Variants in LRP4 observed in about 807,000 individuals in gnomAD.
LRP4 encodes LDL receptor related protein 4, also known as low-density lipoprotein receptor-related protein 4.
LRP4 carries 95 observed loss-of-function variants against 220.3 expected under a neutral mutation model. The ratio of observed to expected loss-of-function variants is 0.43; its 90% CI spans 0.37 to 0.51. The LOEUF (loss-of-function observed/expected upper bound fraction) is 0.51. LRP4 is among the 20% of genes least tolerant of loss of function. The pLI is 0.00. For missense variants in LRP4, 1,925 were observed against 2,567.0 expected (o/e 0.75, Z 5.40); for synonymous variants, 903 against 954.6 (o/e 0.95, Z 1.00).
intron 1 of LRP4, among the ~76,000 whole-genome samples, chr11:46,911,526 C>A (rs573706953): frequency 1.0e-3 from 154 of 149,446 alleles, no homozygotes; most frequent in African/African-American, 3.5e-3. Context: ...GAGTTCGAGG[C>A]TACAGTGAGC....
intron 13 of LRP4, among the ~76,000 whole-genome samples, chr11:46,891,994 A>C (rs1367615743): frequency 6.6e-6 from 1 of 152,100 alleles, no homozygotes; most frequent in Non-Finnish European, 1.5e-5. Context: ...TCACTGTTGC[A>C]ATCACGGTTC....
In LRP4 at chr11:46,898,246, C is replaced by T. The variant is rs74933738; in HGVS notation, c.796+312G>A. Among the ~76,000 whole-genome samples, 1,274 of 152,348 alleles carry T rather than the reference C, an allele frequency of 8.4e-3. 135 individuals are homozygous for T. The East Asian group carries it at 0.2, about 24-fold the overall frequency. On this transcript the variant is annotated intron_variant, in intron 7 of 37. Transcript: ENST00000378623. Reference sequence around the variant, plus strand: ...ATGTCATCTCACTCTGCTACAGGGACGCCGTCTCGGGTCACTGCAACCTCT... The same window carrying T: ...ATGTCATCTCACTCTGCTACAGGGATGCCGTCTCGGGTCACTGCAACCTCT...
Position 46,876,831 on chromosome 11 carries a change from C to G in LRP4, c.3278-1G>C. ...GTGCTGTCAGACCAGTACACCTTTC[C>G]TGGAGAGGGAAAGCTTGGCTCAACC... On this transcript the variant is annotated splice_acceptor_variant, in intron 23 of 37. Coordinates refer to ENST00000378623, the MANE Select transcript of LRP4 (RefSeq NM_002334.4). LOFTEE classifies it high-confidence loss of function. 1 of 1,613,294 alleles carries G rather than the reference C, an allele frequency of 6.2e-7. No homozygotes were observed. Among genetic ancestry groups the G allele is most frequent in the Non-Finnish European group, 8.5e-7 (1 of 1,179,490 alleles).
At chr11:46,903,035 G>A (rs1941697167) in intron 1 of LRP4, 106 bp from the exon 2 acceptor site, 1 of 1,325,832 alleles carries the variant, frequency 7.5e-7, no homozygotes, top group South Asian at 1.2e-5. Context: ...GTCACCTGGA[G>A]AGTCACAGTG....
At chr11:46,862,107 C>T (rs1319273469) in intron 37 of LRP4, among the ~76,000 whole-genome samples, 1 of 148,140 alleles carries the variant, frequency 6.8e-6, no homozygotes, top group Non-Finnish European at 1.5e-5. Context: ...AGCAGGTAAA[C>T]CTTCAGAATT....
chr11:46,867,115 AT>A (rs1232924726), intron 34 of LRP4, among the ~76,000 whole-genome samples: 1 of 152,140 alleles, frequency 6.6e-6, no homozygotes, highest in Non-Finnish European at 1.5e-5. Context: ...ATCAGGAAGC[AT>A]TTTATAATGA....
rs754573249 is a variant in LRP4 at position 46,874,785 on chromosome 11, C to T, written c.4229+15G>A. 5 of 1,612,124 alleles carry T rather than the reference C, an allele frequency of 3.1e-6. No homozygotes were observed. Among genetic ancestry groups the T allele is most frequent in the Non-Finnish European group, 4.2e-6 (5 of 1,178,256 alleles). ...GCAAATCTGTGTCTTCTGGAGGTTT[C>T]AGTGTTGCTCATACCTGATAACATC... On this transcript the variant is annotated intron_variant, in intron 28 of 37. Transcript: ENST00000378623.
At chr11:46,865,040 G>A in intron 35 of LRP4, 79 bp downstream of exon 35, 1 of 1,227,742 alleles carries the variant, frequency 8.1e-7, no homozygotes, top group East Asian at 2.5e-5. Flanking sequence ...GAGTCCCAAT[G>A]AAGGTTATGA....
At chr11:46,895,347 TC>T in intron 10 of LRP4, 56 bp from the exon 11 acceptor site, 1 of 1,603,044 alleles carries the variant, frequency 6.2e-7, no homozygotes. Flanking sequence ...CCACTCCCGC[TC>T]CCAGGCTGCC....
chr11:46,887,324 A>C, intron 16 of LRP4, among the ~76,000 whole-genome samples: 1 of 152,174 alleles, frequency 6.6e-6, no homozygotes, highest in East Asian at 1.9e-4. Flanking sequence ...GAAATCCTTA[A>C]GGGGAAGCTG....
rs140605896 is a variant in LRP4, at chr11:46,890,525, G to A, written c.1698-31C>T. 1.3e-3 allele frequency: 2,017 copies of A among 1,522,994 alleles called. 23 individuals carry two copies. The African/African-American group carries it at 0.024, about 18-fold the overall frequency. 94.3% of individuals were successfully genotyped at this position (1,522,994 alleles called of 1,614,324 possible). On this transcript the variant is annotated intron_variant, in intron 13 of 37. Coordinates refer to ENST00000378623, the MANE Select transcript of LRP4 (RefSeq NM_002334.4). This position sits in a 1 kb window ranked among gnomAD's most constrained non-coding sequence, Gnocchi z 5.3. ...AAGAGAAAAGTAAATTGGGAAGTGGGCAGCAGAAAACAGGTAGGTAACCAG... is the reference window on the plus strand; with the variant it reads ...AAGAGAAAAGTAAATTGGGAAGTGGACAGCAGAAAACAGGTAGGTAACCAG...
At chr11:46,900,119 T>A in intron 3 of LRP4, 143 bp from the exon 4 acceptor site, 1 of 960,368 alleles carries the variant, frequency 1.0e-6, no homozygotes, top group Non-Finnish European at 1.7e-6. Context: ...CAGCAGCTTA[T>A]CTGACTTCGA....
At chr11:46,887,887 T>C (rs1446078495) in intron 16 of LRP4, among the ~76,000 whole-genome samples, 1 of 151,494 alleles carries the variant, frequency 6.6e-6, no homozygotes, top group Non-Finnish European at 1.5e-5. Context: ...TGACAGTGTA[T>C]GCCTGTAGTC....
chr11:46,911,800 A>G (rs1470937658), intron 1 of LRP4, among the ~76,000 whole-genome samples: 1 of 150,674 alleles, frequency 6.6e-6, no homozygotes, highest in Admixed American at 6.6e-5. Flanking sequence ...ATGACAGGAA[A>G]CTGCTCTGAG....
intron 1 of LRP4, among the ~76,000 whole-genome samples, chr11:46,909,581 C>T (rs935218362): frequency 6.8e-5 from 7 of 102,748 alleles, no homozygotes; most frequent in South Asian, 4.6e-4. Context: ...GTCCGCAGTC[C>T]GGCCTGGGCG....
At chr11:46,876,292 A>AACTT (rs1341218991) in intron 25 of LRP4, among the ~76,000 whole-genome samples, 174 bp downstream of exon 25, 1 of 152,124 alleles carries the variant, frequency 6.6e-6, no homozygotes, top group East Asian at 1.9e-4. Context: ...TCATGCTTTT[A>AACTT]ACTTCTACAC....
Position 46,897,348 on chromosome 11 carries a change from CTTTTT to C in LRP4, c.797-359_797-355del, listed in dbSNP as rs1281410484. Among the ~76,000 whole-genome samples, 29 of 95,702 alleles carry C rather than the reference CTTTTT, an allele frequency of 3.0e-4. No homozygotes were observed. In the South Asian group the frequency reaches 8.1e-3, roughly 27 times the overall value. 62.8% of individuals were successfully genotyped at this position (95,702 alleles called of 152,430 possible). On this transcript the variant is annotated intron_variant, in intron 7 of 37. Transcript: ENST00000378623. Reference sequence around the variant, plus strand: ...GGCCTGTTTGTCTTTTTTTTTTTTTCTTTTTATTTTTTTATTTTTATTTTTTTTTA... The same window carrying C: ...GGCCTGTTTGTCTTTTTTTTTTTTTCATTTTTTTATTTTTATTTTTTTTTA...
chr11:46,879,054 G>C lies in LRP4; in HGVS notation c.3005-16C>G. 1 of 1,614,196 alleles carries C rather than the reference G, an allele frequency of 6.2e-7. No individual in the cohort carries two copies. Among genetic ancestry groups the C allele is most frequent in the South Asian group, 1.1e-5 (1 of 91,078 alleles). On this transcript the variant is annotated splice_polypyrimidine_tract_variant and intron_variant, in intron 21 of 37. Coordinates refer to ENST00000378623, the MANE Select transcript of LRP4 (RefSeq NM_002334.4). The stretch of plus-strand genomic sequence containing the variant: ...GGTGTAGACACTGGGTAGAGAGGAG[G>C]GGATGTTCAATGGGGAGAGCTAGGG...
Position 46,871,632 on chromosome 11 carries a change from T to A in LRP4, c.4585A>T (p.Ile1529Phe), listed in dbSNP as rs2134784038. Residue 1529 changes from isoleucine to phenylalanine, a missense_variant and splice_region_variant, in exon 31 of 38, where the codon ATC becomes TTC. Around this residue, in one of 3 missense-constraint regions of LRP4, gnomAD observed 1,244 missense variants for 1,624.9 expected, o/e 0.77. Transcript: ENST00000378623. ...TCCAGATGCGCATCCACCCAGTAGATCCTGCGAAGAAAATGAAAAGAGTGG... is the reference window on the plus strand; with the variant it reads ...TCCAGATGCGCATCCACCCAGTAGAACCTGCGAAGAAAATGAAAAGAGTGG... ...GLTLDYDTRRIYWVDAHLDRI... is the reference protein window; with the variant it reads ...GLTLDYDTRRFYWVDAHLDRI... The A allele has an allele frequency of 6.2e-7, 1 of 1,604,386 alleles. No individual in the cohort carries two copies. Among genetic ancestry groups the A allele is most frequent in the African/African-American group, 1.3e-5 (1 of 74,784 alleles).
Sources: allele counts gnomAD v4.1 joint callset (sites outside exome capture counted in the v4.1 genomes callset), GRCh38; gene constraint gnomAD v4.1.1; regional missense constraint gnomAD v4.1.1; non-coding constraint Gnocchi (gnomAD v3.1); transcripts MANE v1.5; gene names NCBI Gene and HGNC (gene_info 2026-07-23, HGNC 2026-07-21).